EYS: variants seen among roughly 807,000 people sequenced by gnomAD.
EYS encodes the protein protein eyes shut homolog.
Under a neutral mutation model 282.1 loss-of-function variants are expected in EYS, and 250 were observed. The observed-to-expected ratio is 0.89, with a 90% CI of 0.80 to 0.98. The LOEUF is 0.98. EYS is among the 50% of genes least tolerant of loss of function. The pLI is 0.00. For missense variants in EYS, 4,016 were observed against 3,709.0 expected (o/e 1.08, Z -2.15); for synonymous variants, 1,355 against 1,282.9 (o/e 1.06, Z -1.20).
At chr6:65,706,080 T>C (rs11964289) in intron 1 of EYS, among the ~76,000 whole-genome samples, 69 of 151,782 alleles carry the variant, frequency 4.5e-4, no homozygotes, top group African/African-American at 1.6e-3. Context: ...TATATATCAA[T>C]ATGTTGCATG....
At chr6:64,923,906 T>TTGAG (rs3033936) in intron 15 of EYS, among the ~76,000 whole-genome samples, 62,135 of 151,532 alleles carry the variant, frequency 0.41, 13,047 homozygotes, top group East Asian at 0.53. Context: ...CAGGCTGGCA[T>TTGAG]TGTCTGTGGC....
Position 64,997,625 on chromosome 6 carries a change from A to G in EYS, c.2216T>C (p.Leu739Pro), listed in dbSNP as rs1356576999. The change falls in exon 14 of 43, where the codon CTG becomes CCG. Residue 739 changes from leucine to proline, a missense_variant. Leu to Pro is a moderately conservative substitution (Grantham distance 98, BLOSUM62 -3). Coordinates refer to ENST00000503581, the MANE Select transcript of EYS (RefSeq NM_001142800.2). Reference sequence around the variant, plus strand: ...GGTAGAATTGTGCTCACAGGCATTCAGGATGCAGTCATCAATGTCCTGTTC... The same window carrying G: ...GGTAGAATTGTGCTCACAGGCATTCGGGATGCAGTCATCAATGTCCTGTTC... Reference protein sequence around the residue: ...RCEQDIDDCILNACEHNSTCK... With the variant: ...RCEQDIDDCIPNACEHNSTCK... 3 of 1,551,248 alleles carry G rather than the reference A, an allele frequency of 1.9e-6. No individual in the cohort carries two copies. The highest frequency in any genetic ancestry group is 2.6e-6 in the Non-Finnish European group (3 of 1,146,560).
chr6:64,590,389 A>G lies in EYS; in HGVS notation c.5478T>C (p.Ser1826=), dbSNP rs2149831056. ...AAGAAGTCTTGACCTCTTTTTTAAG[A>G]GAGGTCATATAATCTGTAAAATATG... ...DWPYFTDYMT[S]LKKEVKTSSE... The change falls in exon 26 of 43, where the codon TCT becomes TCC. Residue 1826 remains serine (S), a synonymous_variant. Transcript: ENST00000503581. The G allele has an allele frequency of 2.6e-6, 4 of 1,551,322 alleles. No homozygotes were observed. The highest frequency in any genetic ancestry group is 3.5e-6 in the Non-Finnish European group (4 of 1,146,750).
intron 6 of EYS, 85 bp from the exon 7 acceptor site, chr6:65,402,690 A>G: frequency 1.1e-6 from 1 of 904,712 alleles, no homozygotes; most frequent in Non-Finnish European, 1.7e-6. Context: ...AGAAGGGTTA[A>G]AATTATTTTC....
At chr6:65,414,616 T>G (rs2150372351) in intron 5 of EYS, among the ~76,000 whole-genome samples, 1 of 152,260 alleles carries the variant, frequency 6.6e-6, no homozygotes, top group East Asian at 1.9e-4. Flanking sequence ...AAGAAAGGAT[T>G]AATCTTTTCT....
chr6:65,443,563 TAC>T lies in EYS; in HGVS notation c.863-38198_863-38197del, dbSNP rs1284869714. Among the ~76,000 whole-genome samples the T allele has an allele frequency of 2.7e-5, 4 of 148,156 alleles. No individual in the cohort carries two copies. The East Asian group carries it at 8.0e-4, about 30-fold the overall frequency. On this transcript the variant is annotated intron_variant, in intron 5 of 42. Coordinates refer to ENST00000503581, the MANE Select transcript of EYS (RefSeq NM_001142800.2). ...TGGACACATGATACGCATACATGTA[TAC>T]ACACATATGTGTATATACACATATA...
intron 13 of EYS, among the ~76,000 whole-genome samples, chr6:65,024,853 A>G (rs1772356449): frequency 6.6e-6 from 1 of 152,178 alleles, no homozygotes; most frequent in Admixed American, 6.5e-5. Context: ...CTATACCTCT[A>G]AGCTTTCACT....
intron 33 of EYS, among the ~76,000 whole-genome samples, chr6:64,060,778 A>T (rs1389831514): frequency 1.3e-5 from 2 of 152,208 alleles, no homozygotes; most frequent in Non-Finnish European, 2.9e-5. Flanking sequence ...ACCAAATATT[A>T]TCAAAGGTAA....
intron 19 of EYS, among the ~76,000 whole-genome samples, chr6:64,840,705 T>A (rs1297809838): frequency 6.6e-6 from 1 of 152,156 alleles, no homozygotes; most frequent in Admixed American, 6.6e-5. Flanking sequence ...GAAAAAAGAA[T>A]GTAGATGGTA....
chr6:63,865,274 T>A (rs564061425), intron 35 of EYS, among the ~76,000 whole-genome samples: 22 of 152,350 alleles, frequency 1.4e-4, no homozygotes, highest in African/African-American at 5.0e-4. Flanking sequence ...TAGCTGAGAA[T>A]AAATAGCTAA....
chr6:65,478,390 A>G (rs1470757946), intron 5 of EYS, among the ~76,000 whole-genome samples: 7 of 152,176 alleles, frequency 4.6e-5, no homozygotes, highest in African/African-American at 1.7e-4. Context: ...AATGGTGGAC[A>G]TAAAATTGAA....
At chr6:64,752,754 G>A (rs1477999198) in intron 22 of EYS, among the ~76,000 whole-genome samples, 2 of 152,106 alleles carry the variant, frequency 1.3e-5, no homozygotes, top group African/African-American at 2.4e-5. Context: ...AAAGCAGCAA[G>A]AGTAAAGTGT....
At chr6:65,127,870 C>T (rs1339064753) in intron 12 of EYS, among the ~76,000 whole-genome samples, 2 of 152,042 alleles carry the variant, frequency 1.3e-5, no homozygotes, top group East Asian at 3.9e-4. Context: ...ACTGTTTGTG[C>T]AGAACTTTCT....
intron 33 of EYS, among the ~76,000 whole-genome samples, chr6:64,035,831 A>G (rs1427844640): frequency 6.6e-6 from 1 of 152,196 alleles, no homozygotes; most frequent in Non-Finnish European, 1.5e-5. Context: ...TTTTAACCTT[A>G]TATAAGAAAG....
At chr6:63,901,279 G>A (rs1005191513) in intron 35 of EYS, among the ~76,000 whole-genome samples, 2 of 152,136 alleles carry the variant, frequency 1.3e-5, no homozygotes, top group African/African-American at 4.8e-5. Flanking sequence ...AAACTGAGAT[G>A]TTAGAAGAAA....
intron 11 of EYS, chr6:65,329,977 A>G (rs773581664): frequency 1.5e-5 from 15 of 980,840 alleles, no homozygotes; most frequent in Non-Finnish European, 1.8e-5. Context: ...GAAAATGTGA[A>G]TCTCCTAAAA....
At chr6:65,222,451 C>G (rs190354926) in intron 12 of EYS, among the ~76,000 whole-genome samples, 1 of 152,150 alleles carries the variant, frequency 6.6e-6, no homozygotes, top group Non-Finnish European at 1.5e-5. Flanking sequence ...GACATCCCTT[C>G]GCTTTTCCTT....
intron 22 of EYS, among the ~76,000 whole-genome samples, chr6:64,792,420 C>T (rs1201776027): frequency 6.6e-6 from 1 of 151,170 alleles, no homozygotes; most frequent in Middle Eastern, 3.2e-3. Context: ...TTTTAGACAC[C>T]AAGTTTATGA....
At chr6:63,856,768 A>C (rs1772402411) in intron 36 of EYS, among the ~76,000 whole-genome samples, 1 of 152,188 alleles carries the variant, frequency 6.6e-6, no homozygotes, top group African/African-American at 2.4e-5. Context: ...GGATTAAAAA[A>C]TTTTAACACA....
Sources: gnomAD v4.1 joint callset for allele counts (sites outside exome capture counted in the v4.1 genomes callset) on GRCh38, gnomAD v4.1.1 for gene constraint, MANE v1.5 for transcripts, NCBI Gene and HGNC (gene_info 2026-07-23, HGNC 2026-07-21) for gene names.